The following ATP5F1A variants were observed in gnomAD, a reference collection of about 807,000 sequenced individuals.
The protein encoded by ATP5F1A is ATP synthase F1 subunit alpha.
A neutral mutation model predicts 57.4 loss-of-function variants in ATP5F1A; 24 were observed. That is an observed-to-expected ratio of 0.42 (90% CI 0.30 to 0.59). ATP5F1A has a LOEUF of 0.59. Among genes scored for constraint, ATP5F1A ranks in the 20% least tolerant of loss-of-function variants. The pLI, the probability that ATP5F1A is intolerant of heterozygous loss-of-function variation, is 0.19. For missense variants in ATP5F1A, 494 were observed against 707.9 expected (o/e 0.70, Z 3.43); for synonymous variants, 251 against 255.5 (o/e 0.98, Z 0.17).
rs767643389 is a variant in ATP5F1A, at chr18:46,089,663, C to T, written c.553G>A (p.Val185Met). The change falls in exon 5 of 12, where the codon GTG becomes ATG. Residue 185 changes from valine (V) to methionine (M), a missense_variant. Coordinates refer to ENST00000398752, the MANE Select transcript of ATP5F1A (RefSeq NM_004046.6). Reference sequence around the variant, plus strand: ...ATGCCAGTCTGCATTGGTTCCCGCACTGAAATTCGAGGAATGATACCGGGG... The same window carrying T: ...ATGCCAGTCTGCATTGGTTCCCGCATTGAAATTCGAGGAATGATACCGGGG... ...KAPGIIPRISVREPMQTGIKA... is the reference protein window; with the variant it reads ...KAPGIIPRISMREPMQTGIKA... 1.2e-6 allele frequency: 2 copies of T among 1,614,142 alleles called. No individual in the cohort carries two copies. The highest frequency in any genetic ancestry group is 1.7e-6 in the Non-Finnish European group (2 of 1,180,046).
At chr18:46,096,977 C>G (rs947842021) in intron 1 of ATP5F1A, among the ~76,000 whole-genome samples, 3 of 81,312 alleles carry the variant, frequency 3.7e-5, no homozygotes, top group African/African-American at 1.9e-4. Context: ...AGCGAGACAC[C>G]ATCTCAAAAA....
In ATP5F1A at chr18:46,085,943, A is replaced by AAAAAAATC. The variant is rs1910055736; in HGVS notation, c.1429+169_1429+170insGATTTTTT. On this transcript the variant is annotated intron_variant, in intron 10 of 11. Coordinates refer to ENST00000398752, the MANE Select transcript of ATP5F1A (RefSeq NM_004046.6). ...AATGAAACTTCGTCTCAAAAAAAAA[A>AAAAAAATC]AAAAATCAAAAATCAAAAAACAAAT... The AAAAAAATC allele has an allele frequency of 1.9e-5, 16 of 834,228 alleles. No homozygotes were observed. In the South Asian group the frequency reaches 3.5e-4, roughly 18 times the overall value. The allele number at this position is 834,228 out of a possible 1,614,324, so 51.7% of individuals were successfully genotyped here.
At chr18:46,101,054 A>G (rs956353592), upstream of ATP5F1A, among the ~76,000 whole-genome samples, 2 of 152,182 alleles carry the variant, frequency 1.3e-5, no homozygotes, top group African/African-American at 4.8e-5. Context: ...CCTGGGCGAC[A>G]GAGTGAGACT....
At chr18:46,084,734 T>C in intron 10 of ATP5F1A, 80 bp from the exon 11 acceptor site, 1 of 1,382,382 alleles carries the variant, frequency 7.2e-7, no homozygotes, top group South Asian at 1.7e-5. Flanking sequence ...AAAACTTACT[T>C]TTTCTCCAAT....
Position 46,091,721 on chromosome 18 carries a change from A to C in ATP5F1A, c.270T>G (p.Val90=). ...AAAACTCTACCATTTCTTCTGCTTG[A>C]ACATTCCTCAGCCCATGTACGCGGG... ...GIARVHGLRN[V]QAEEMVEFSS... Residue 90 remains valine, a synonymous_variant, in exon 3 of 12, where the codon GTT becomes GTG. Transcript: ENST00000398752. 1 of 1,611,556 alleles carries C rather than the reference A, an allele frequency of 6.2e-7. No homozygotes were observed. Among genetic ancestry groups the C allele is most frequent in the Admixed American group, 1.7e-5 (1 of 59,126 alleles).
intron 10 of ATP5F1A, chr18:46,085,209 G>A (rs932754769): frequency 6.6e-6 from 1 of 150,722 alleles, no homozygotes; most frequent in Middle Eastern, 3.4e-3. Context: ...ACCACTTAAG[G>A]TCAGGGGTTC....
Position 46,091,737 on chromosome 18 carries a change from T to C in ATP5F1A, c.254A>G (p.His85Arg). 1.2e-6 allele frequency: 2 copies of C among 1,613,864 alleles called. No individual in the cohort carries two copies. The highest frequency in any genetic ancestry group is 2.2e-5 in the South Asian group (2 of 91,050). ...TTCTGCTTGAACATTCCTCAGCCCA[T>C]GTACGCGGGCAATACCATCACCAAT... ...LSIGDGIARV[H>R]GLRNVQAEEM... The change falls in exon 3 of 12, where the codon CAT becomes CGT. Residue 85 changes from histidine to arginine, a missense_variant. By Grantham distance (29) the His-to-Arg change is conservative. Transcript: ENST00000398752.
rs1305440592 is a variant in ATP5F1A at position 46,082,176 on chromosome 18, G to A, written c.*2106C>T. 6.7e-6 allele frequency: 1 copy of A among 150,330 alleles called. No individual in the cohort carries two copies. Among genetic ancestry groups the A allele is most frequent in the Non-Finnish European group, 1.5e-5 (1 of 67,832 alleles). The allele number at this position is 150,330 out of a possible 1,614,324, so 9.3% of individuals were successfully genotyped here. On this transcript the variant is annotated 3_prime_UTR_variant, in exon 12 of 12. Transcript: ENST00000398752. ...AGGTAAGTGGATCATGAGGTCAGGA[G>A]ATCGAGACCATCCTGGCGAACATGG...
chr18:46,084,029 A>G lies in ATP5F1A; in HGVS notation c.*253T>C. 2.9e-6 allele frequency: 1 copy of G among 347,672 alleles called. No individual in the cohort carries two copies. Among genetic ancestry groups the G allele is most frequent in the Non-Finnish European group, 5.1e-6 (1 of 195,512 alleles). 21.5% of individuals were successfully genotyped at this position (347,672 alleles called of 1,614,324 possible). ...AAACTTACAAAGAGCTCAGCCTTGA[A>G]TTATCTAGCCCAGTTGACTGTACCA... is the stretch of plus-strand genomic sequence containing the variant. On this transcript the variant is annotated 3_prime_UTR_variant, in exon 12 of 12. Transcript: ENST00000398752.
upstream of ATP5F1A, among the ~76,000 whole-genome samples, chr18:46,102,160 C>G (rs1911294663): frequency 7.1e-6 from 1 of 141,538 alleles, no homozygotes; most frequent in South Asian, 2.2e-4. Flanking sequence ...GGCAACAGCA[C>G]AAGACTCCCT....
upstream of ATP5F1A, among the ~76,000 whole-genome samples, chr18:46,102,848 T>C (rs969706134): frequency 5.9e-5 from 9 of 152,118 alleles, no homozygotes; most frequent in Non-Finnish European, 1.2e-4. Context: ...CTAAGGAGGC[T>C]GAAGCGGGAG....
chr18:46,100,361 C>G (rs998844911), upstream of ATP5F1A, among the ~76,000 whole-genome samples: 13 of 150,968 alleles, frequency 8.6e-5, no homozygotes, highest in Non-Finnish European at 1.9e-4. Context: ...ATTTGGGAAG[C>G]AATAATTGCC....
intron 2 of ATP5F1A, chr18:46,092,258 C>A (rs1273565065): frequency 6.7e-6 from 1 of 150,052 alleles, no homozygotes; most frequent in Admixed American, 6.7e-5. Context: ...CTTTTCAAAG[C>A]CCATTTCTCA....
rs756485486 is a variant in ATP5F1A, at chr18:46,089,540, C to T, written c.650+26G>A. On this transcript the variant is annotated intron_variant, in intron 5 of 11. Transcript: ENST00000398752. ...TCCATTGAGCAAATTTTAGTTAGAA[C>T]TTTTAATATGCTTTTGAGTCTTTAC... The T allele has an allele frequency of 3.7e-6, 6 of 1,609,578 alleles. No homozygotes were observed. The East Asian group carries it at 1.3e-4, about 36-fold the overall frequency.
At position 46,089,710 on chromosome 18, in the gene ATP5F1A, C is replaced by T. The variant is rs765711330; in HGVS notation, c.506G>A (p.Arg169His). ...DGKGPIGSKT[R>H]RRVGLKAPGI... ...GGGGGCTTTCAGACCAACTCGCCTA[C>T]GCGTCTTGGAACCAATTGGACCCTG... is the stretch of plus-strand genomic sequence containing the variant. The change falls in exon 5 of 12, where the codon CGT becomes CAT. Residue 169 changes from arginine (R) to histidine (H), a missense_variant. Coordinates refer to ENST00000398752, the MANE Select transcript of ATP5F1A (RefSeq NM_004046.6). The T allele has an allele frequency of 2.2e-5, 36 of 1,613,942 alleles. No individual in the cohort carries two copies. In the South Asian group the frequency reaches 2.4e-4, roughly 11 times the overall value.
rs373863047 is a variant in ATP5F1A, at chr18:46,084,929, G to A, written c.1430-275C>T. On this transcript the variant is annotated intron_variant, in intron 10 of 11. Coordinates refer to ENST00000398752, the MANE Select transcript of ATP5F1A (RefSeq NM_004046.6). ...AATCTGACAGTGTTAATACTGTTTTGAGTATAAATATTTTGCTGAAATGAC... is the reference window on the plus strand; with the variant it reads ...AATCTGACAGTGTTAATACTGTTTTAAGTATAAATATTTTGCTGAAATGAC... The A allele has an allele frequency of 6.8e-4, 205 of 300,510 alleles. 2 individuals carry two copies. The highest frequency in any genetic ancestry group is 6.2e-3 in the East Asian group (111 of 18,024). 18.6% of individuals were successfully genotyped at this position (300,510 alleles called of 1,614,324 possible).
chr18:46,094,406 C>A (rs574976740), intron 2 of ATP5F1A, among the ~76,000 whole-genome samples: 1 of 151,984 alleles, frequency 6.6e-6, no homozygotes, highest in African/African-American at 2.4e-5. Context: ...CAGTGGCTCA[C>A]GCCTTTAATC....
intron 1 of ATP5F1A, 121 bp downstream of exon 1, chr18:46,098,051 G>A (rs756718297): frequency 2.8e-6 from 4 of 1,437,070 alleles, no homozygotes; most frequent in African/African-American, 2.9e-5. Flanking sequence ...AGAAGCCACG[G>A]GTGCAAGATG....
chr18:46,095,137 G>A lies in ATP5F1A; in HGVS notation c.61-6C>T, dbSNP rs942731767. On this transcript the variant is annotated splice_polypyrimidine_tract_variant and splice_region_variant and intron_variant, in intron 1 of 11. Coordinates refer to ENST00000398752, the MANE Select transcript of ATP5F1A (RefSeq NM_004046.6). ...CCCAAAGCATTTCTGGAGACCTAGT[G>A]CAAAAGTATTCTTAAAAATTTGATT... The A allele has an allele frequency of 6.2e-7, 1 of 1,606,668 alleles. No individual in the cohort carries two copies. Among genetic ancestry groups the A allele is most frequent in the Non-Finnish European group, 8.5e-7 (1 of 1,178,242 alleles).
Sources: gnomAD v4.1 joint callset for allele counts (sites outside exome capture counted in the v4.1 genomes callset) on GRCh38, gnomAD v4.1.1 for gene constraint, MANE v1.5 for transcripts, NCBI Gene and HGNC (gene_info 2026-07-23, HGNC 2026-07-21) for gene names.